Variants in SMOC2 observed in about 807,000 individuals in gnomAD.
The protein encoded by SMOC2 is SPARC-related modular calcium-binding protein 2.
A neutral mutation model predicts 61.4 loss-of-function variants in SMOC2; 39 were observed. The observed-to-expected ratio is 0.64, with a 90% CI of 0.49 to 0.83. The LOEUF is 0.83. SMOC2 is among the 40% of genes least tolerant of loss of function. SMOC2 has a pLI of 0.00. For synonymous variants in SMOC2, 247 were observed against 239.9 expected, an observed-to-expected ratio of 1.03 and a Z score of -0.27; for missense variants, 556 against 592.9, an observed-to-expected ratio of 0.94 and a Z score of 0.65.
At chr6:168,629,155 T>A (rs963635041) in intron 9 of SMOC2, among the ~76,000 whole-genome samples, 4 of 152,168 alleles carry the variant, frequency 2.6e-5, no homozygotes, top group African/African-American at 9.7e-5. Context: ...GTTCCTGGAG[T>A]TTTGTGCACA....
At chr6:168,487,705 G>A (rs776075263) in intron 1 of SMOC2, among the ~76,000 whole-genome samples, 31 of 152,198 alleles carry the variant, frequency 2.0e-4, no homozygotes, top group Non-Finnish European at 4.1e-4. Context: ...GCTTCACCAT[G>A]TTGGCCAGGG....
At position 168,535,852 on chromosome 6, in the gene SMOC2, G is replaced by C. The variant is rs1023868802; in HGVS notation, c.464-7773G>C. On this transcript the variant is annotated intron_variant, in intron 4 of 12. Coordinates refer to ENST00000356284, the MANE Select transcript of SMOC2 (RefSeq NM_001166412.2). This position sits in a 1 kb window ranked among gnomAD's most constrained non-coding sequence, Gnocchi z 4.6. ...GACACGTGAGGAATAACGCAGCAGTGATGCAGCTTCACGGCACAGGGGCGC... is the reference window on the plus strand; with the variant it reads ...GACACGTGAGGAATAACGCAGCAGTCATGCAGCTTCACGGCACAGGGGCGC... Among the ~76,000 whole-genome samples the C allele has an allele frequency of 8.0e-5, 12 of 149,198 alleles. No homozygotes were observed. Among genetic ancestry groups the C allele is most frequent in the African/African-American group, 3.0e-4 (12 of 40,342 alleles).
At chr6:168,497,312 G>A (rs7775954) in intron 1 of SMOC2, among the ~76,000 whole-genome samples, 61 of 152,344 alleles carry the variant, frequency 4.0e-4, no homozygotes, top group African/African-American at 1.4e-3. Context: ...GAGCAGCTCC[G>A]TTTAGCCTCC....
chr6:168,560,076 T>C (rs906846506), intron 7 of SMOC2, among the ~76,000 whole-genome samples: 2 of 152,256 alleles, frequency 1.3e-5, no homozygotes, highest in African/African-American at 4.8e-5. Flanking sequence ...TTCATAATTA[T>C]TCTTCTCTAA....
chr6:168,577,288 G>T (rs527777111), intron 7 of SMOC2, among the ~76,000 whole-genome samples: 1 of 151,512 alleles, frequency 6.6e-6, no homozygotes, highest in Admixed American at 6.6e-5. Context: ...TGCTTGTTCC[G>T]TCTAAACGCG....
Position 168,535,641 on chromosome 6 carries a change from C to T in SMOC2, c.463+7914C>T, listed in dbSNP as rs992472858. Among the ~76,000 whole-genome samples the T allele has an allele frequency of 2.0e-5, 3 of 152,202 alleles. No homozygotes were observed. Among genetic ancestry groups the T allele is most frequent in the African/African-American group, 7.2e-5 (3 of 41,460 alleles). On this transcript the variant is annotated intron_variant, in intron 4 of 12. Coordinates refer to ENST00000356284, the MANE Select transcript of SMOC2 (RefSeq NM_001166412.2). The surrounding 1 kb of genome is among the most constrained non-coding windows in gnomAD (Gnocchi z 4.6). ...CCACAAAGTCCACCGAAACCCTCCT[C>T]CAAGTCCATAAATAACATAAAGGAT...
intron 4 of SMOC2, among the ~76,000 whole-genome samples, chr6:168,542,576 G>A (rs1429428132): frequency 1.3e-5 from 2 of 152,180 alleles, no homozygotes; most frequent in African/African-American, 4.8e-5. Flanking sequence ...ACAGAGGAGG[G>A]TTTGGGGTGG....
chr6:168,471,406 A>G lies in SMOC2; in HGVS notation c.84+29952A>G, dbSNP rs142436932. ...CCTCAAGGTTCATTCATGCGGTAAC[A>G]TAGTTCAGCATTTCCTTCTTTTCCA... is the stretch of plus-strand genomic sequence containing the variant. On this transcript the variant is annotated intron_variant, in intron 1 of 12. Coordinates refer to ENST00000356284, the MANE Select transcript of SMOC2 (RefSeq NM_001166412.2). Among the ~76,000 whole-genome samples the G allele has an allele frequency of 7.2e-5, 11 of 152,326 alleles. No homozygotes were observed. In the East Asian group the frequency reaches 2.1e-3, roughly 29 times the overall value.
chr6:168,602,708 G>T (rs1785581359), intron 8 of SMOC2, among the ~76,000 whole-genome samples: 1 of 152,200 alleles, frequency 6.6e-6, no homozygotes, highest in African/African-American at 2.4e-5. Flanking sequence ...GCAGGGTCTG[G>T]TTCCTCGTGC....
chr6:168,477,936 C>T (rs1177073986), intron 1 of SMOC2, among the ~76,000 whole-genome samples: 2 of 152,172 alleles, frequency 1.3e-5, no homozygotes, highest in Admixed American at 6.5e-5. Context: ...ATTACTGTCC[C>T]TAGCTTCTCC....
In SMOC2 at chr6:168,666,481, T is replaced by A. The variant is rs747970480; in HGVS notation, c.*43T>A. On this transcript the variant is annotated 3_prime_UTR_variant, in exon 13 of 13. Coordinates refer to ENST00000356284, the MANE Select transcript of SMOC2 (RefSeq NM_001166412.2). ...GGCAGTTCCTAGACACATGGGAAATTTCCCTCACCAAAGAGCAATTAAGAA... is the reference window on the plus strand; with the variant it reads ...GGCAGTTCCTAGACACATGGGAAATATCCCTCACCAAAGAGCAATTAAGAA... 2 of 1,609,234 alleles carry A rather than the reference T, an allele frequency of 1.2e-6. No individual in the cohort carries two copies. Among genetic ancestry groups the A allele is most frequent in the African/African-American group, 1.3e-5 (1 of 74,936 alleles).
intron 9 of SMOC2, among the ~76,000 whole-genome samples, chr6:168,638,025 C>T (rs1786788730): frequency 6.7e-6 from 1 of 149,852 alleles, no homozygotes; most frequent in Non-Finnish European, 1.5e-5. Context: ...CCTCTCCCTG[C>T]ACATCTGCGC....
At chr6:168,577,099 A>G (rs1293461068) in intron 7 of SMOC2, among the ~76,000 whole-genome samples, 4 of 152,202 alleles carry the variant, frequency 2.6e-5, no homozygotes, top group Non-Finnish European at 5.9e-5. Flanking sequence ...AAGTTCCACC[A>G]GGATGACTTA....
chr6:168,576,794 G>A (rs549362236), intron 7 of SMOC2, among the ~76,000 whole-genome samples: 18 of 152,158 alleles, frequency 1.2e-4, no homozygotes, highest in African/African-American at 2.7e-4. Flanking sequence ...GGGATCACCC[G>A]TCAGAGACTC....
chr6:168,628,369 A>G (rs926778284), intron 9 of SMOC2, among the ~76,000 whole-genome samples: 1 of 152,238 alleles, frequency 6.6e-6, no homozygotes, highest in Non-Finnish European at 1.5e-5. Flanking sequence ...CTGAAAAAAT[A>G]TAAGTAAACA....
chr6:168,481,652 C>A (rs1270326694), intron 1 of SMOC2, among the ~76,000 whole-genome samples: 20 of 151,656 alleles, frequency 1.3e-4, no homozygotes, highest in Admixed American at 1.3e-3. Flanking sequence ...GAAAAATGAC[C>A]AAAGTACATC....
intron 4 of SMOC2, among the ~76,000 whole-genome samples, chr6:168,534,004 G>A (rs1046669341): frequency 6.6e-6 from 1 of 152,172 alleles, no homozygotes; most frequent in African/African-American, 2.4e-5. Context: ...CCAGCACTGT[G>A]GGAGGCTAAG....
chr6:168,480,000 G>T (rs952514433), intron 1 of SMOC2, among the ~76,000 whole-genome samples: 1 of 152,264 alleles, frequency 6.6e-6, no homozygotes, highest in South Asian at 2.1e-4. Flanking sequence ...CTCAGGGAAA[G>T]GTGCAGGCTC....
intron 7 of SMOC2, among the ~76,000 whole-genome samples, chr6:168,580,620 CA>C (rs1784898580): frequency 6.6e-6 from 1 of 152,236 alleles, no homozygotes; most frequent in Non-Finnish European, 1.5e-5. Context: ...CGACTCACTG[CA>C]GCCTCGACCT....
Sources: allele counts gnomAD v4.1 joint callset (sites outside exome capture counted in the v4.1 genomes callset), GRCh38; gene constraint gnomAD v4.1.1; non-coding constraint Gnocchi (gnomAD v3.1); transcripts MANE v1.5; gene names NCBI Gene and HGNC (gene_info 2026-07-23, HGNC 2026-07-21).